Variants in EPM2A observed in about 807,000 individuals in gnomAD.
EPM2A encodes laforin.
Under a neutral mutation model 26.5 loss-of-function variants are expected in EPM2A, and 21 were observed. The observed-to-expected ratio is 0.79, with a 90% CI of 0.56 to 1.14. The LOEUF is 1.14. EPM2A is among the 50% of genes most tolerant of loss of function. The pLI, the probability that EPM2A is intolerant of heterozygous loss-of-function variation, is 0.00. For missense variants in EPM2A, 458 were observed against 440.8 expected, an observed-to-expected ratio of 1.04 and a Z score of -0.35; for synonymous variants, 217 against 177.6, an observed-to-expected ratio of 1.22 and a Z score of -1.76.
intron 2 of EPM2A, among the ~76,000 whole-genome samples, chr6:145,593,017 T>C (rs1430847985): frequency 6.6e-6 from 1 of 152,036 alleles, no homozygotes; most frequent in Admixed American, 6.5e-5. Context: ...AGATTGTCAA[T>C]ATAGATAAAA....
chr6:145,455,256 T>G (rs529536582), intron 4 of EPM2A, among the ~76,000 whole-genome samples: 1 of 151,940 alleles, frequency 6.6e-6, no homozygotes, highest in Non-Finnish European at 1.5e-5. Flanking sequence ...TATGAATTTA[T>G]ATATTCATAA....
chr6:145,717,522 G>A (rs1360545147), intron 1 of EPM2A, among the ~76,000 whole-genome samples: 1 of 152,156 alleles, frequency 6.6e-6, no homozygotes, highest in Non-Finnish European at 1.5e-5. Context: ...TACTGAATGG[G>A]CAAAAACTGG....
chr6:145,473,230 A>G (rs1269522711), intron 4 of EPM2A, among the ~76,000 whole-genome samples: 1 of 152,084 alleles, frequency 6.6e-6, no homozygotes, highest in African/African-American at 2.4e-5. Flanking sequence ...AAAATCACGT[A>G]GAAATTCTGG....
intron 2 of EPM2A, among the ~76,000 whole-genome samples, chr6:145,564,780 G>A (rs967273978): frequency 6.9e-4 from 105 of 151,124 alleles, no homozygotes; most frequent in African/African-American, 2.4e-3. Context: ...TGGTGGGGGG[G>A]GGCAGGGGGT....
chr6:145,449,481 G>A (rs1019180732), intron 4 of EPM2A, among the ~76,000 whole-genome samples: 2 of 152,128 alleles, frequency 1.3e-5, no homozygotes, highest in African/African-American at 4.8e-5. Flanking sequence ...TCATGTGGTA[G>A]CATCTTTTAC....
chr6:145,591,410 T>G (rs1022710334), intron 2 of EPM2A, among the ~76,000 whole-genome samples: 1 of 152,070 alleles, frequency 6.6e-6, no homozygotes, highest in African/African-American at 2.4e-5. Flanking sequence ...CAGATCATCT[T>G]CAACTCTAGA....
chr6:145,446,650 TC>T (rs1779132688), intron 4 of EPM2A, among the ~76,000 whole-genome samples: 3 of 151,908 alleles, frequency 2.0e-5, no homozygotes, highest in African/African-American at 4.8e-5. Context: ...ATTACTTTTT[TC>T]TCTCTCTCTC....
intron 1 of EPM2A, among the ~76,000 whole-genome samples, chr6:145,704,237 G>A (rs541115318): frequency 6.6e-6 from 1 of 152,120 alleles, no homozygotes; most frequent in Non-Finnish European, 1.5e-5. Flanking sequence ...TTGAGAGAAA[G>A]GGAGTGCATG....
chr6:145,561,049 A>G (rs1780797243), intron 2 of EPM2A, among the ~76,000 whole-genome samples: 2 of 152,058 alleles, frequency 1.3e-5, no homozygotes, highest in South Asian at 2.1e-4. Context: ...TAGTACATAT[A>G]CTGTAGTATA....
At chr6:145,390,030 C>G (rs1778316341) in intron 4 of EPM2A, among the ~76,000 whole-genome samples, 1 of 152,106 alleles carries the variant, frequency 6.6e-6, no homozygotes, top group Non-Finnish European at 1.5e-5. Flanking sequence ...GAAACAGAAA[C>G]AGACAGAGAG....
chr6:145,422,711 C>T (rs2114684982), intron 4 of EPM2A, among the ~76,000 whole-genome samples: 1 of 152,152 alleles, frequency 6.6e-6, no homozygotes, highest in African/African-American at 2.4e-5. Context: ...ATTTTTTTCT[C>T]AGTTTTATTG....
chr6:145,529,283 G>T (rs1160721763), intron 2 of EPM2A, among the ~76,000 whole-genome samples: 1 of 152,086 alleles, frequency 6.6e-6, no homozygotes, highest in East Asian at 1.9e-4. Flanking sequence ...TTCTGCTTTG[G>T]GTAAAATGCT....
At chr6:145,690,637 A>G (rs79330527) in intron 1 of EPM2A, among the ~76,000 whole-genome samples, 1 of 144,378 alleles carries the variant, frequency 6.9e-6, no homozygotes, top group Admixed American at 6.8e-5. Context: ...AACTAAATGG[A>G]AAAAAAAAAA....
At chr6:145,666,081 A>G (rs1779161589) in intron 2 of EPM2A, among the ~76,000 whole-genome samples, 2 of 146,342 alleles carry the variant, frequency 1.4e-5, no homozygotes, top group African/African-American at 5.1e-5. Context: ...AAAAACTGGA[A>G]GCATTCCCTT....
intron 2 of EPM2A, among the ~76,000 whole-genome samples, chr6:145,508,271 G>A (rs186708979): frequency 2.6e-5 from 4 of 152,346 alleles, no homozygotes; most frequent in African/African-American, 9.6e-5. Context: ...CCAAAGGTGA[G>A]CATGAGCTGA....
chr6:145,513,951 G>A (rs1780090002), intron 2 of EPM2A, among the ~76,000 whole-genome samples: 1 of 152,180 alleles, frequency 6.6e-6, no homozygotes, highest in Non-Finnish European at 1.5e-5. Flanking sequence ...AAGGAGCTCT[G>A]TTTCTATCTA....
downstream of EPM2A, among the ~76,000 whole-genome samples, chr6:145,499,952 CT>C (rs5880643): frequency 0.36 from 54,321 of 151,846 alleles, 10,278 homozygotes; most frequent in South Asian, 0.51. Flanking sequence ...TTGATGATTG[CT>C]TTTCCACTCA....
chr6:145,490,995 A>G, intron 4 of EPM2A: 1 of 924,708 alleles, frequency 1.1e-6, no homozygotes, highest in Non-Finnish European at 1.7e-6. Flanking sequence ...CTTCATCTTC[A>G]CTTCAATTGT....
chr6:145,611,074 T>G (rs1775382524), intron 2 of EPM2A, among the ~76,000 whole-genome samples: 1 of 152,162 alleles, frequency 6.6e-6, no homozygotes, highest in South Asian at 2.1e-4. Flanking sequence ...TATCCTCTAT[T>G]TCTGTCATTA....
Sources: gnomAD v4.1 joint callset for allele counts (sites outside exome capture counted in the v4.1 genomes callset) on GRCh38, gnomAD v4.1.1 for gene constraint, MANE v1.5 for transcripts, NCBI Gene and HGNC (gene_info 2026-07-23, HGNC 2026-07-21) for gene names.